The following TBCK variants were observed in gnomAD, a reference collection of about 807,000 sequenced individuals.
The protein encoded by TBCK is TBC1 domain containing kinase, also known as TBC domain-containing protein kinase-like protein.
Under a neutral mutation model 113.4 loss-of-function variants are expected in TBCK, and 99 were observed. The observed-to-expected ratio is 0.87, with a 90% confidence interval of 0.74 to 1.03. TBCK has a LOEUF of 1.03. TBCK is among the 50% of genes least tolerant of loss of function. The probability of loss-of-function intolerance (pLI) is 0.00; values close to 1 mark genes in which losing one functional copy is unlikely to be tolerated. For missense variants in TBCK, 1,045 were observed against 1,061.3 expected (o/e 0.98, Z 0.21); for synonymous variants, 369 against 370.8 (o/e 1.00, Z 0.05).
At chr4:106,218,947 A>T (rs1184342884) in intron 19 of TBCK, among the ~76,000 whole-genome samples, 2 of 152,010 alleles carry the variant, frequency 1.3e-5, no homozygotes, top group African/African-American at 4.8e-5. Context: ...ATTATTCACG[A>T]TAGCAAAGAC....
chr4:106,278,368 A>G (rs898802171), intron 3 of TBCK, among the ~76,000 whole-genome samples: 1 of 151,946 alleles, frequency 6.6e-6, no homozygotes, highest in African/African-American at 2.4e-5. Context: ...GACCAGTCCA[A>G]GCAACATGGC....
intron 25 of TBCK, among the ~76,000 whole-genome samples, chr4:106,062,406 T>C (rs1344365255): frequency 1.3e-5 from 2 of 151,856 alleles, no homozygotes; most frequent in East Asian, 1.9e-4. Context: ...TCTATGACAT[T>C]TGGGAACTGA....
chr4:106,097,466 T>TATC (rs1416635099), intron 24 of TBCK, among the ~76,000 whole-genome samples: 2 of 152,140 alleles, frequency 1.3e-5, no homozygotes, highest in Non-Finnish European at 2.9e-5. Flanking sequence ...CTAAATCGTC[T>TATC]ATCATTACTG....
intron 3 of TBCK, among the ~76,000 whole-genome samples, chr4:106,285,915 T>C (rs1052850187): frequency 6.6e-6 from 1 of 152,224 alleles, no homozygotes; most frequent in Admixed American, 6.5e-5. Flanking sequence ...GTACATCAAC[T>C]CTACACATAT....
intron 25 of TBCK, among the ~76,000 whole-genome samples, chr4:106,093,235 G>A (rs866767645): frequency 6.6e-6 from 1 of 152,156 alleles, no homozygotes; most frequent in Non-Finnish European, 1.5e-5. Flanking sequence ...GGCCAGGTGC[G>A]GAGGCTCACG....
chr4:106,303,478 A>C (rs1028037082), intron 2 of TBCK, among the ~76,000 whole-genome samples: 1 of 152,154 alleles, frequency 6.6e-6, no homozygotes, highest in Non-Finnish European at 1.5e-5. Flanking sequence ...AGACCTCCCA[A>C]AGCCTACTGA....
In TBCK at chr4:106,244,613, T is replaced by C; in HGVS notation, c.1070+13A>G. On this transcript the variant is annotated intron_variant, in intron 11 of 25. Transcript: ENST00000394708. ...TATTTATTTAAATTCCCAAGAGAAG[T>C]TTCTTTCCTTACTTGGGGAGTGTGC... The C allele has an allele frequency of 1.9e-6, 3 of 1,544,204 alleles. No individual in the cohort carries two copies. The South Asian group carries it at 3.8e-5, about 19-fold the overall frequency.
At chr4:106,229,335 A>G (rs1013798467) in intron 19 of TBCK, among the ~76,000 whole-genome samples, 1 of 151,996 alleles carries the variant, frequency 6.6e-6, no homozygotes, top group Non-Finnish European at 1.5e-5. Flanking sequence ...AACGTCCTGG[A>G]GAGCTTCCCC....
At chr4:106,217,501 A>G (rs1757101249) in intron 19 of TBCK, among the ~76,000 whole-genome samples, 1 of 152,236 alleles carries the variant, frequency 6.6e-6, no homozygotes, top group Non-Finnish European at 1.5e-5. Flanking sequence ...CCTTTAGCTG[A>G]TAAGCAACTT....
At position 106,295,088 on chromosome 4, in the gene TBCK, C is replaced by G. The variant is rs768397921; in HGVS notation, c.266+6G>C. ...TTCATTTAATTGTTCTGATACTATA[C>G]AGTACCTCACAGGTTTCCTTTCTCG... On this transcript the variant is annotated splice_donor_region_variant and intron_variant, in intron 3 of 25. Transcript: ENST00000394708. The G allele has an allele frequency of 6.2e-7, 1 of 1,609,342 alleles. No homozygotes were observed. Among genetic ancestry groups the G allele is most frequent in the Non-Finnish European group, 8.5e-7 (1 of 1,176,808 alleles).
At chr4:106,302,693 C>T (rs938986807) in intron 2 of TBCK, among the ~76,000 whole-genome samples, 2 of 152,120 alleles carry the variant, frequency 1.3e-5, no homozygotes, top group Non-Finnish European at 2.9e-5. Context: ...TACTCAGCAT[C>T]TACTGTACTG....
rs1462752475 is a variant in TBCK at position 106,137,598 on chromosome 4, T to C, written c.2236-21220A>G. ...ATTTTCAAGTTTTCATTTCTCCCTCTTAGTTTTAAATAGGAAGAGGTTTCT... is the reference window on the plus strand; with the variant it reads ...ATTTTCAAGTTTTCATTTCTCCCTCCTAGTTTTAAATAGGAAGAGGTTTCT... On this transcript the variant is annotated intron_variant, in intron 23 of 25. Transcript: ENST00000394708. Among the ~76,000 whole-genome samples the C allele has an allele frequency of 1.4e-5, 2 of 140,888 alleles. 1 individual carries two copies. The highest frequency in any genetic ancestry group is 3.2e-5 in the Non-Finnish European group (2 of 62,032). The allele number at this position is 140,888 out of a possible 152,430, so 92.4% of individuals were successfully genotyped here. A position where few individuals can be genotyped will look rare whatever the true frequency, so the allele number is the denominator to read the frequency against.
chr4:106,231,737 T>C lies in TBCK; in HGVS notation c.1682A>G (p.Asn561Ser), dbSNP rs181980393. The change falls in exon 18 of 26, where the codon AAT (asparagine) becomes AGT (serine). Residue 561 changes from asparagine to serine, a missense_variant. Asn to Ser is a conservative substitution (Grantham distance 46). Coordinates refer to ENST00000394708, the MANE Select transcript of TBCK (RefSeq NM_001163435.3). ...ATGTTAAAGAGGCTTACCTTCATTA[T>C]TGAAGTTTAGATATAGGAATGGAGC... Reference protein sequence around the residue: ...LCAPFLYLNFNNEALAYACMS... With the variant: ...LCAPFLYLNFSNEALAYACMS... 5.6e-6 allele frequency: 9 copies of C among 1,608,960 alleles called. No homozygotes were observed. In the East Asian group the frequency reaches 1.1e-4, roughly 20 times the overall value.
intron 19 of TBCK, among the ~76,000 whole-genome samples, chr4:106,220,124 C>T (rs1757502333): frequency 6.6e-6 from 1 of 152,164 alleles, no homozygotes; most frequent in African/African-American, 2.4e-5. Context: ...CATGGTTTGG[C>T]TGTGTCCCCA....
chr4:106,239,253 G>T (rs1219193253), intron 12 of TBCK, among the ~76,000 whole-genome samples: 1 of 151,992 alleles, frequency 6.6e-6, no homozygotes, highest in Non-Finnish European at 1.5e-5. Flanking sequence ...CTCATGTTGG[G>T]GAGGAGGAGT....
intron 23 of TBCK, among the ~76,000 whole-genome samples, chr4:106,146,088 T>C (rs1395033148): frequency 2.0e-5 from 3 of 152,142 alleles, no homozygotes; most frequent in Non-Finnish European, 4.4e-5. Flanking sequence ...TAAAGACACA[T>C]GCATGCAAAT....
At chr4:106,160,797 G>C (rs1749680981) in intron 23 of TBCK, among the ~76,000 whole-genome samples, 2 of 151,958 alleles carry the variant, frequency 1.3e-5, no homozygotes. Flanking sequence ...CCAGAATCTT[G>C]AAGAGATATT....
At chr4:106,153,888 T>C (rs141145137) in intron 23 of TBCK, among the ~76,000 whole-genome samples, 6 of 152,256 alleles carry the variant, frequency 3.9e-5, no homozygotes, top group Admixed American at 1.3e-4. Context: ...CAGCTCTTTT[T>C]TGGTTTCCAT....
At chr4:106,195,992 A>G (rs905734393) in intron 20 of TBCK, among the ~76,000 whole-genome samples, 1 of 152,094 alleles carries the variant, frequency 6.6e-6, no homozygotes, top group African/African-American at 2.4e-5. Context: ...AGAATTAATT[A>G]GATACTTTTT....
Sources: gnomAD v4.1 joint callset for allele counts (sites outside exome capture counted in the v4.1 genomes callset) on GRCh38, gnomAD v4.1.1 for gene constraint, MANE v1.5 for transcripts, NCBI Gene and HGNC (gene_info 2026-07-23, HGNC 2026-07-21) for gene names.